The following SSH3 variants were observed in gnomAD, a reference collection of about 807,000 sequenced individuals.
SSH3 encodes the protein protein phosphatase Slingshot homolog 3.
SSH3 carries 67 observed loss-of-function variants against 75.0 expected under a neutral mutation model. The ratio of observed to expected loss-of-function variants is 0.89; its 90% confidence interval spans 0.73 to 1.10. The LOEUF is 1.10. SSH3 is among the 50% of genes least tolerant of loss of function. The probability of loss-of-function intolerance (pLI) is 0.00; values close to 1 mark genes in which losing one functional copy is unlikely to be tolerated. For synonymous variants in SSH3, 318 were observed against 349.2 expected (o/e 0.91, Z 1.00); for missense variants, 824 against 872.7 (o/e 0.94, Z 0.70).
intron 13 of SSH3, among the ~76,000 whole-genome samples, chr11:67,311,122 G>A (rs1357303607): frequency 6.6e-6 from 1 of 152,224 alleles, no homozygotes; most frequent in African/African-American, 2.4e-5. Context: ...GGGTGGGGAA[G>A]GATAGGGAGG....
chr11:67,304,648 A>G, intron 2 of SSH3, 125 bp from the exon 3 acceptor site: 2 of 954,744 alleles, frequency 2.1e-6, no homozygotes, highest in South Asian at 1.6e-5. Flanking sequence ...AGACCTATCG[A>G]CCGCGTGGGG....
chr11:67,309,264 T>C (rs1861341146), intron 10 of SSH3, 133 bp from the exon 11 acceptor site: 1 of 1,141,464 alleles, frequency 8.8e-7, no homozygotes, highest in East Asian at 2.4e-5. Flanking sequence ...TCACTTCTCC[T>C]CCCACTGTCA....
intron 3 of SSH3, among the ~76,000 whole-genome samples, chr11:67,305,969 G>A (rs1363879510): frequency 3.3e-5 from 5 of 152,068 alleles, no homozygotes; most frequent in African/African-American, 1.2e-4. Flanking sequence ...GATAGCATTT[G>A]CAAGTGACAG....
In SSH3 at chr11:67,311,723, CT is replaced by C; in HGVS notation, c.1817del (p.Leu606ProfsTer40). On this transcript the variant is annotated frameshift_variant, in exon 14 of 14. Transcript: ENST00000308127. LOFTEE classifies it high-confidence loss of function. Reference sequence around the variant, plus strand: ...GAAGTCCCGCCAGTCAGTGGTTACCCTCCAGGGCAGTGCCGTGGTGGCCAAC... The same window carrying C: ...GAAGTCCCGCCAGTCAGTGGTTACCCCCAGGGCAGTGCCGTGGTGGCCAAC... ...ALKSRQSVVTLQGSAVVANRT... is the reference protein window; with the variant it reads ...ALKSRQSVVTXQGSAVVANRT... The C allele has an allele frequency of 1.2e-6, 2 of 1,614,080 alleles. No individual in the cohort carries two copies. The highest frequency in any genetic ancestry group is 1.7e-6 in the Non-Finnish European group (2 of 1,180,020).
chr11:67,310,248 G>A lies in SSH3; in HGVS notation c.1592G>A (p.Arg531His), dbSNP rs765623534. 3.1e-6 allele frequency: 5 copies of A among 1,614,198 alleles called. No individual in the cohort carries two copies. Among genetic ancestry groups the A allele is most frequent in the African/African-American group, 1.3e-5 (1 of 75,066 alleles). The change falls in exon 13 of 14, where the codon CGT becomes CAT. Residue 531 changes from arginine to histidine, a missense_variant. Physicochemically the swap from Arg to His is conservative, Grantham distance 29 (BLOSUM62 0). Coordinates refer to ENST00000308127, the MANE Select transcript of SSH3 (RefSeq NM_017857.4). ...AAAGAAGAGCCTGGGCCACGGCCACGTATAAACCTCCGAGGGGTCATGAGG... is the reference window on the plus strand; with the variant it reads ...AAAGAAGAGCCTGGGCCACGGCCACATATAAACCTCCGAGGGGTCATGAGG... ...APKEEPGPRP[R>H]INLRGVMRSI...
chr11:67,303,736 C>A, intron 1 of SSH3, 45 bp downstream of exon 1: 1 of 1,433,522 alleles, frequency 7.0e-7, no homozygotes, highest in South Asian at 1.4e-5. Flanking sequence ...GTTGCTGCCC[C>A]GGCTTGGGAG....
At chr11:67,306,997 G>T (rs763454116) in intron 4 of SSH3, 35 bp downstream of exon 4, 19 of 1,613,224 alleles carry the variant, frequency 1.2e-5, no homozygotes, top group Non-Finnish European at 1.5e-5. Context: ...GGGCAAAGAG[G>T]TGAGGGACAG....
Position 67,312,067 on chromosome 11 carries a change from A to C in SSH3, c.*180A>C, listed in dbSNP as rs1861428461. ...CTCCCACCCCTGTCACTACAGCCTC[A>C]CCTCCTACAGCCTTAAGTCCCAGGC... is the stretch of plus-strand genomic sequence containing the variant. On this transcript the variant is annotated 3_prime_UTR_variant, in exon 14 of 14. Transcript: ENST00000308127. 1 of 793,602 alleles carries C rather than the reference A, an allele frequency of 1.3e-6. No homozygotes were observed. Among genetic ancestry groups the C allele is most frequent in the African/African-American group, 1.8e-5 (1 of 55,952 alleles). The allele number at this position is 793,602 out of a possible 1,614,324, so 49.2% of individuals were successfully genotyped here.
rs765338960 is a variant in SSH3, at chr11:67,307,575, C to T, written c.629C>T (p.Ala210Val). Residue 210 changes from alanine to valine, a missense_variant, in exon 7 of 14, where the codon GCA becomes GTA. Ala to Val is a moderately conservative substitution (Grantham distance 64). Transcript: ENST00000308127. This position sits in a 1 kb window ranked among gnomAD's most constrained non-coding sequence, Gnocchi z 4.2. ...GCCACACTCCAGGTATTGCACCAAG[C>T]ATGTGAGGCAGCTCTAGGCAGCGGC... ...MWATLQVLHQ[A>V]CEAALGSGLV... 7 of 1,611,660 alleles carry T rather than the reference C, an allele frequency of 4.3e-6. No individual in the cohort carries two copies. In the East Asian group the frequency reaches 1.6e-4, roughly 36 times the overall value.
rs1590888005 is a variant in SSH3 at position 67,309,850 on chromosome 11, C to A, written c.1291C>A (p.Gln431Lys). The A allele has an allele frequency of 6.2e-7, 1 of 1,613,316 alleles. No individual in the cohort carries two copies. The highest frequency in any genetic ancestry group is 8.5e-7 in the Non-Finnish European group (1 of 1,180,044). Residue 431 changes from glutamine (Q) to lysine (K), a missense_variant, in exon 12 of 14, where the codon CAG becomes AAG. Coordinates refer to ENST00000308127, the MANE Select transcript of SSH3 (RefSeq NM_017857.4). The stretch of plus-strand genomic sequence containing the variant: ...CACAGTGCTGGCCTATGCCATGAAG[C>A]AGTACGAATGCAGCCTGGAGCAGGC... ...AATVLAYAMK[Q>K]YECSLEQALR...
Position 67,304,165 on chromosome 11 carries a change from ACCT to A in SSH3, c.104+13_104+15del. The A allele has an allele frequency of 1.9e-6, 3 of 1,588,158 alleles. No individual in the cohort carries two copies. Among genetic ancestry groups the A allele is most frequent in the Non-Finnish European group, 2.6e-6 (3 of 1,167,960 alleles). ...GTCGACTCCAGCGAAGGTGAGCGCC[ACCT>A]CCCCCACGCAGACACTTCCGTCTGC... On this transcript the variant is annotated intron_variant, in intron 2 of 13. Coordinates refer to ENST00000308127, the MANE Select transcript of SSH3 (RefSeq NM_017857.4).
At position 67,309,771 on chromosome 11, in the gene SSH3, A is replaced by G. The variant is rs753409376; in HGVS notation, c.1212A>G (p.Ala404=). ...TGAACCTGGCCTGCTTCCACAGAGC[A>G]CAGGGCACCCACGTGCTGGTCCACT... ...ETHRFIEAAR[A]QGTHVLVHCK... Residue 404 remains alanine (A), a synonymous_variant, in exon 12 of 14, where the codon GCA becomes GCG. Coordinates refer to ENST00000308127, the MANE Select transcript of SSH3 (RefSeq NM_017857.4). 4.3e-6 allele frequency: 7 copies of G among 1,612,914 alleles called. No individual in the cohort carries two copies. The highest frequency in any genetic ancestry group is 5.9e-6 in the Non-Finnish European group (7 of 1,180,008).
At position 67,308,280 on chromosome 11, in the gene SSH3, G is replaced by C. The variant is rs780187148; in HGVS notation, c.992G>C (p.Arg331Pro). 2 of 1,614,012 alleles carry C rather than the reference G, an allele frequency of 1.2e-6. No homozygotes were observed. Among genetic ancestry groups the C allele is most frequent in the Non-Finnish European group, 8.5e-7 (1 of 1,180,034 alleles). ...LLVAQRDRAS[R>P]IFPHLYLGSE... is the part of the protein sequence containing the mutation. ...GTGGCACAGCGGGACCGAGCCTCCC[G>C]CATCTTCCCCCACCTCTACCTGGTG... The change falls in exon 9 of 14, where the codon CGC becomes CCC. Residue 331 changes from arginine (R) to proline (P), a missense_variant. Physicochemically the swap from Arg to Pro is moderately radical, Grantham distance 103. Transcript: ENST00000308127. This position sits in a 1 kb window ranked among gnomAD's most constrained non-coding sequence, Gnocchi z 4.9.
At position 67,311,976 on chromosome 11, in the gene SSH3, CCT is replaced by C; in HGVS notation, c.*93_*94del. 1 of 1,534,996 alleles carries C rather than the reference CCT, an allele frequency of 6.5e-7. No individual in the cohort carries two copies. Among genetic ancestry groups the C allele is most frequent in the Non-Finnish European group, 8.8e-7 (1 of 1,141,546 alleles). ...CCTCACGTCTGTTGCCGCACACATT[CCT>C]CTCAGCTCCGCCCCATACCCGTCAC... On this transcript the variant is annotated 3_prime_UTR_variant, in exon 14 of 14. Transcript: ENST00000308127.
At position 67,307,212 on chromosome 11, in the gene SSH3, C is replaced by G; in HGVS notation, c.536+99C>G. 1.9e-6 allele frequency: 3 copies of G among 1,560,298 alleles called. No homozygotes were observed. The Middle Eastern group carries it at 5.4e-4, about 280-fold the overall frequency. ...CACCAGGGTACAGTAGAACTTTAGG[C>G]TGGGACTCTGGGGCCTGCTCCCAGC... is the stretch of plus-strand genomic sequence containing the variant. On this transcript the variant is annotated intron_variant, in intron 5 of 13. Coordinates refer to ENST00000308127, the MANE Select transcript of SSH3 (RefSeq NM_017857.4). The surrounding 1 kb of genome is among the most constrained non-coding windows in gnomAD (Gnocchi z 4.2).
chr11:67,309,659 C>A, intron 11 of SSH3, 109 bp from the exon 12 acceptor site: 1 of 1,577,264 alleles, frequency 6.3e-7, no homozygotes, highest in East Asian at 2.3e-5. Flanking sequence ...AGTGTCCTTC[C>A]CTCCTTCTCT....
chr11:67,308,470 A>G lies in SSH3; in HGVS notation c.1061+12A>G. ...CTGCAGAGGAACAGGTAGGGCTATG[A>G]GCCCCTCGGGCCACCCACCCCATCT... On this transcript the variant is annotated intron_variant, in intron 10 of 13. Coordinates refer to ENST00000308127, the MANE Select transcript of SSH3 (RefSeq NM_017857.4). This position sits in a 1 kb window ranked among gnomAD's most constrained non-coding sequence, Gnocchi z 4.9. 1 of 1,573,558 alleles carries G rather than the reference A, an allele frequency of 6.4e-7. No individual in the cohort carries two copies. Among genetic ancestry groups the G allele is most frequent in the South Asian group, 1.2e-5 (1 of 86,760 alleles).
Position 67,304,140 on chromosome 11 carries a change from G to A in SSH3, c.89G>A (p.Ser30Asn). 1.2e-6 allele frequency: 2 copies of A among 1,600,010 alleles called. No individual in the cohort carries two copies. Among genetic ancestry groups the A allele is most frequent in the Non-Finnish European group, 8.5e-7 (1 of 1,177,068 alleles). ...CAGGACCAGGCGGTCCAGCGAAGGAGTCGACTCCAGCGAAGGTGAGCGCCA... is the reference window on the plus strand; with the variant it reads ...CAGGACCAGGCGGTCCAGCGAAGGAATCGACTCCAGCGAAGGTGAGCGCCA... ...GPWDQAVQRR[S>N]RLQRRQSFAV... Residue 30 changes from serine (S) to asparagine (N), a missense_variant, in exon 2 of 14, where the codon AGT (serine) becomes AAT (asparagine). Coordinates refer to ENST00000308127, the MANE Select transcript of SSH3 (RefSeq NM_017857.4).
At chr11:67,310,893 T>G (rs1258838353) in intron 13 of SSH3, among the ~76,000 whole-genome samples, 2 of 152,192 alleles carry the variant, frequency 1.3e-5, no homozygotes, top group African/African-American at 4.8e-5. Context: ...CTCCCTGGTC[T>G]GAGGAGCAGC....
Sources: allele counts gnomAD v4.1 joint callset (sites outside exome capture counted in the v4.1 genomes callset), GRCh38; gene constraint gnomAD v4.1.1; non-coding constraint Gnocchi (gnomAD v3.1); transcripts MANE v1.5; gene names NCBI Gene and HGNC (gene_info 2026-07-23, HGNC 2026-07-21).